The following HTR1F variants were observed in gnomAD, a reference collection of about 807,000 sequenced individuals.
The protein encoded by HTR1F is 5-hydroxytryptamine (serotonin) receptor 1F, G protein-coupled.
HTR1F carries 17 observed loss-of-function variants against 24.0 expected under a neutral mutation model. The observed-to-expected ratio is 0.71, with a 90% CI of 0.48 to 1.06. The LOEUF (loss-of-function observed/expected upper bound fraction) is 1.06, where lower values mean the gene tolerates loss of function less well. Among genes scored for constraint, HTR1F ranks in the 50% least tolerant of loss-of-function variants. The probability of loss-of-function intolerance (pLI) is 0.00; values close to 1 mark genes in which losing one functional copy is unlikely to be tolerated. For synonymous variants in HTR1F, 186 were observed against 156.8 expected (o/e 1.19, Z -1.39); for missense variants, 391 against 427.8 (o/e 0.91, Z 0.76).
chr3:87,888,931 T>C (rs1034983982), intron 2 of HTR1F, among the ~76,000 whole-genome samples: 9 of 152,214 alleles, frequency 5.9e-5, no homozygotes, highest in African/African-American at 1.9e-4. Flanking sequence ...AATTCTTGTG[T>C]TGAAATCTGA....
chr3:87,836,116 CCACTTGGCCAG>C, intron 2 of HTR1F, among the ~76,000 whole-genome samples: 2 of 152,202 alleles, frequency 1.3e-5, no homozygotes, highest in Non-Finnish European at 2.9e-5. Context: ...GAACATGTAC[CCACTTGGCCAG>C]ATGGATTCCA....
At chr3:87,903,798 T>A (rs1703588448) in intron 2 of HTR1F, among the ~76,000 whole-genome samples, 1 of 152,182 alleles carries the variant, frequency 6.6e-6, no homozygotes, top group Non-Finnish European at 1.5e-5. Context: ...GGAATATAAA[T>A]CATGCTGCTA....
chr3:87,960,952 T>C (rs1432349623), intron 2 of HTR1F, among the ~76,000 whole-genome samples: 1 of 151,954 alleles, frequency 6.6e-6, no homozygotes, highest in African/African-American at 2.4e-5. Flanking sequence ...ATTTCCTAAC[T>C]GTGTTTTCTA....
chr3:87,890,335 G>T (rs1398022343), intron 2 of HTR1F, among the ~76,000 whole-genome samples: 2 of 152,132 alleles, frequency 1.3e-5, no homozygotes, highest in Non-Finnish European at 2.9e-5. Context: ...TGCAACTTTT[G>T]CAGCTTTTAT....
chr3:87,926,748 G>A (rs189231649), intron 2 of HTR1F, among the ~76,000 whole-genome samples: 30 of 151,976 alleles, frequency 2.0e-4, no homozygotes, highest in African/African-American at 6.5e-4. Context: ...TACTCACTTG[G>A]GTTCATATTA....
intron 2 of HTR1F, among the ~76,000 whole-genome samples, chr3:87,839,007 A>AT (rs35528055): frequency 7.7e-5 from 11 of 141,974 alleles, no homozygotes; most frequent in African/African-American, 3.0e-4. Flanking sequence ...TTATTTATTT[A>AT]TTTTATTTTT....
intron 2 of HTR1F, among the ~76,000 whole-genome samples, chr3:87,906,548 T>A (rs1209150732): frequency 4.6e-5 from 7 of 150,956 alleles, no homozygotes; most frequent in Admixed American, 3.3e-4. Context: ...TCTTTCTTTT[T>A]CTTTATTTCA....
At chr3:87,982,363 T>A (rs1705563737) in intron 2 of HTR1F, among the ~76,000 whole-genome samples, 1 of 152,146 alleles carries the variant, frequency 6.6e-6, no homozygotes. Flanking sequence ...TCTGAAATAG[T>A]CTGAAAAAGA....
intron 2 of HTR1F, among the ~76,000 whole-genome samples, chr3:87,976,137 A>G (rs1226665261): frequency 3.9e-5 from 6 of 152,240 alleles, no homozygotes; most frequent in Non-Finnish European, 7.3e-5. Context: ...AAAGTAGATT[A>G]AAGATTAAAA....
intron 1 of HTR1F, among the ~76,000 whole-genome samples, chr3:87,813,204 G>A (rs1704189809): frequency 6.6e-6 from 1 of 152,190 alleles, no homozygotes; most frequent in Non-Finnish European, 1.5e-5. Flanking sequence ...ATCAGCCTGT[G>A]AAAGAGCTAC....
chr3:87,870,867 C>T (rs1705538855), intron 2 of HTR1F, among the ~76,000 whole-genome samples: 3 of 151,810 alleles, frequency 2.0e-5, no homozygotes, highest in Admixed American at 2.0e-4. Context: ...ATGCATGCCC[C>T]CAAAAAGTTT....
At position 87,991,822 on chromosome 3, in the gene HTR1F, T is replaced by G. The variant is rs1288978042; in HGVS notation, c.1073T>G (p.Phe358Cys). Residue 358 changes from phenylalanine to cysteine, a missense_variant, in exon 3 of 3, where the codon TTC becomes TGC. Physicochemically the swap from Phe to Cys is radical, Grantham distance 205 (BLOSUM62 -2). Coordinates refer to ENST00000319595, the MANE Select transcript of HTR1F (RefSeq NM_001322209.2). ...TIFNEDFKKAFQKLVRCRC is the reference protein window; with the variant it reads ...TIFNEDFKKACQKLVRCRC ...TTTAATGAAGACTTCAAGAAAGCAT[T>G]CCAAAAGCTTGTGCGATGTCGATGT... 1.3e-6 allele frequency: 2 copies of G among 1,582,326 alleles called. No individual in the cohort carries two copies. The highest frequency in any genetic ancestry group is 3.7e-5 in the Admixed American group (2 of 53,732).
intron 2 of HTR1F, among the ~76,000 whole-genome samples, chr3:87,893,595 C>T (rs763512109): frequency 6.6e-6 from 1 of 152,136 alleles, no homozygotes; most frequent in East Asian, 1.9e-4. Context: ...TGCCTGACCA[C>T]GAAGAAGAAG....
At chr3:87,820,658 G>C (rs1434087676) in intron 1 of HTR1F, among the ~76,000 whole-genome samples, 1 of 151,984 alleles carries the variant, frequency 6.6e-6, no homozygotes, top group Admixed American at 6.5e-5. Flanking sequence ...AAGGTAAATT[G>C]TAATAAATTT....
At chr3:87,990,603 A>G in intron 2 of HTR1F, 105 bp from the exon 3 acceptor site, 1 of 600,452 alleles carries the variant, frequency 1.7e-6, no homozygotes, top group East Asian at 2.8e-5. Context: ...AATCTATAGA[A>G]TATTCTGGGT....
At chr3:87,813,573 T>G (rs1273550838) in intron 1 of HTR1F, among the ~76,000 whole-genome samples, 5 of 152,176 alleles carry the variant, frequency 3.3e-5, no homozygotes, top group Non-Finnish European at 5.9e-5. Context: ...GGTTTTGAAC[T>G]GTGAAAAGAC....
intron 2 of HTR1F, among the ~76,000 whole-genome samples, chr3:87,946,642 T>TG (rs61305370): frequency 0.24 from 31,695 of 134,674 alleles, 3,662 homozygotes; most frequent in African/African-American, 0.26. Context: ...TTTTTTTTTT[T>TG]AAACAGTCTC....
chr3:87,814,421 CAAGTATAGA>C (rs1358254744), intron 1 of HTR1F, among the ~76,000 whole-genome samples: 1 of 152,010 alleles, frequency 6.6e-6, no homozygotes, highest in Non-Finnish European at 1.5e-5. Flanking sequence ...TAGCAATTTT[CAAGTATAGA>C]ATATATTGTT....
chr3:87,828,852 G>A (rs746407573), intron 2 of HTR1F, among the ~76,000 whole-genome samples: 5 of 152,148 alleles, frequency 3.3e-5, no homozygotes, highest in South Asian at 2.1e-4. Context: ...CCTTCTGGAC[G>A]AAACAGTGCT....
Sources: gnomAD v4.1 joint callset for allele counts (sites outside exome capture counted in the v4.1 genomes callset) on GRCh38, gnomAD v4.1.1 for gene constraint, MANE v1.5 for transcripts, NCBI Gene and HGNC (gene_info 2026-07-23, HGNC 2026-07-21) for gene names.